Variants in DPP6 observed in about 807,000 individuals in gnomAD.
The protein encoded by DPP6 is A-type potassium channel modulatory protein DPP6.
DPP6 carries 69 observed loss-of-function variants against 122.6 expected under a neutral mutation model. The ratio of observed to expected loss-of-function variants is 0.56; its 90% CI spans 0.46 to 0.69. The LOEUF is 0.69. Ranked by LOEUF, DPP6 falls within the 30% of genes least tolerant of loss-of-function variation. The probability of loss-of-function intolerance (pLI) is 0.00; values close to 1 mark genes in which losing one functional copy is unlikely to be tolerated. For missense variants in DPP6, 928 were observed against 1,116.9 expected (o/e 0.83, Z 2.41); for synonymous variants, 418 against 433.1 (o/e 0.97, Z 0.43).
At chr7:154,529,311 G>T (rs974235605) in intron 3 of DPP6, among the ~76,000 whole-genome samples, 1 of 152,152 alleles carries the variant, frequency 6.6e-6, no homozygotes. Context: ...ATCAAGGCAG[G>T]TCAGCTAAAG....
chr7:154,871,205 A>G lies in DPP6; in HGVS notation c.1814-1419A>G, dbSNP rs978810183. On this transcript the variant is annotated intron_variant, in intron 18 of 25. Coordinates refer to ENST00000377770, the MANE Select transcript of DPP6 (RefSeq NM_130797.4). ...CCCAAGCCTGCAGCACTGGTGTGTG[A>G]CTGTCATCCCTTCCTCTTAGGAAAT... is the stretch of plus-strand genomic sequence containing the variant. Among the ~76,000 whole-genome samples, 45 of 151,872 alleles carry G rather than the reference A, an allele frequency of 3.0e-4. 1 individual carries two copies. Among genetic ancestry groups the G allele is most frequent in the Admixed American group, 2.8e-3 (42 of 15,264 alleles).
chr7:154,181,617 A>G (rs1409908265), intron 1 of DPP6, among the ~76,000 whole-genome samples: 1 of 152,190 alleles, frequency 6.6e-6, no homozygotes, highest in Non-Finnish European at 1.5e-5. Flanking sequence ...TATGTTTAAT[A>G]TGTAAGGCAG....
chr7:153,993,710 A>G (rs1434240201), intron 1 of DPP6, among the ~76,000 whole-genome samples: 2 of 152,208 alleles, frequency 1.3e-5, no homozygotes, highest in Non-Finnish European at 2.9e-5. Flanking sequence ...CAATGATCTT[A>G]TTCATTTCAT....
the DPP6 span, among the ~76,000 whole-genome samples, chr7:153,835,747 G>T: frequency 2.6e-5 from 4 of 152,150 alleles, no homozygotes; most frequent in Admixed American, 2.6e-4. Context: ...ATCATCCAAC[G>T]ATTGGTTTTG....
chr7:153,886,877 T>C (rs1271171797), upstream of DPP6, among the ~76,000 whole-genome samples: 1 of 151,992 alleles, frequency 6.6e-6, no homozygotes, highest in East Asian at 1.9e-4. Context: ...GCGCAGCCGA[T>C]CAATAGTTAA....
chr7:154,463,703 G>C (rs913017588), intron 2 of DPP6, among the ~76,000 whole-genome samples: 4 of 152,004 alleles, frequency 2.6e-5, no homozygotes, highest in African/African-American at 9.7e-5. Flanking sequence ...TGCCAGATTG[G>C]GTTTTTCCAT....
rs113956551 is a variant in DPP6 at position 154,690,008 on chromosome 7, A to G, written c.762+20567A>G. Among the ~76,000 whole-genome samples the G allele has an allele frequency of 9.7e-4, 148 of 152,246 alleles. No individual in the cohort carries two copies. The Middle Eastern group carries it at 0.01, about 10-fold the overall frequency. On this transcript the variant is annotated intron_variant, in intron 7 of 25. Transcript: ENST00000377770. ...ATCTTTCGCATGTCAAGTCCCTTTT[A>G]TTCTTTTCTCACTGGCCCACAATAA...
intron 20 of DPP6, among the ~76,000 whole-genome samples, chr7:154,878,765 C>G (rs972654313): frequency 2.0e-5 from 3 of 152,152 alleles, no homozygotes; most frequent in African/African-American, 7.2e-5. Context: ...GGGCTCCTGT[C>G]TCCTAGAGAC....
intron 5 of DPP6, among the ~76,000 whole-genome samples, chr7:154,632,318 G>A (rs1641636979): frequency 6.6e-6 from 1 of 152,186 alleles, no homozygotes; most frequent in African/African-American, 2.4e-5. Context: ...AGGAAGGATG[G>A]AGGAGAGGCC....
intron 16 of DPP6, among the ~76,000 whole-genome samples, chr7:154,809,253 T>C (rs547507065): frequency 6.8e-6 from 1 of 146,460 alleles, no homozygotes; most frequent in East Asian, 2.0e-4. Context: ...TTTCTTTTTT[T>C]AAAAAAAAAA....
At chr7:154,389,007 C>T (rs1007637645) in intron 1 of DPP6, among the ~76,000 whole-genome samples, 1 of 152,096 alleles carries the variant, frequency 6.6e-6, no homozygotes, top group African/African-American at 2.4e-5. Context: ...ATTTTTCTTT[C>T]GAGCAGTAGA....
At chr7:154,074,877 C>T (rs1330885623) in intron 1 of DPP6, among the ~76,000 whole-genome samples, 2 of 150,994 alleles carry the variant, frequency 1.3e-5, no homozygotes, top group Middle Eastern at 3.4e-3. Context: ...GTTGTCAAAG[C>T]GGGAGAAAAT....
At chr7:153,931,588 CATT>C (rs1801172548) in intron 1 of DPP6, among the ~76,000 whole-genome samples, 1 of 152,270 alleles carries the variant, frequency 6.6e-6, no homozygotes, top group Admixed American at 6.5e-5. Flanking sequence ...TATTTAAATT[CATT>C]ATTCTGTCAG....
At chr7:154,286,733 C>T (rs1236924697) in intron 1 of DPP6, among the ~76,000 whole-genome samples, 2 of 151,836 alleles carry the variant, frequency 1.3e-5, no homozygotes, top group African/African-American at 4.8e-5. Context: ...TCTCCCCTCA[C>T]TCTTCCTGGC....
intron 1 of DPP6, among the ~76,000 whole-genome samples, chr7:154,310,225 C>A (rs1806747173): frequency 6.6e-6 from 1 of 152,054 alleles, no homozygotes; most frequent in African/African-American, 2.4e-5. Flanking sequence ...AAGAGCTTAG[C>A]TGGTGTGGTG....
At chr7:154,390,638 G>C (rs1199680289) in intron 1 of DPP6, among the ~76,000 whole-genome samples, 1 of 152,170 alleles carries the variant, frequency 6.6e-6, no homozygotes, top group African/African-American at 2.4e-5. Flanking sequence ...ACGCCAGGCA[G>C]AGTGTGGAAC....
At chr7:154,826,232 A>C (rs1800133094) in intron 16 of DPP6, among the ~76,000 whole-genome samples, 1 of 152,206 alleles carries the variant, frequency 6.6e-6, no homozygotes, top group South Asian at 2.1e-4. Flanking sequence ...GTCTTAAGTA[A>C]CTGTTGAGAA....
At position 154,594,873 on chromosome 7, in the gene DPP6, G is replaced by A. The variant is rs149900823; in HGVS notation, c.627+27957G>A. ...TCAGGACTTCCCTGTCTCTAGAGAG[G>A]CAGCATGAACAGAGACACAATGCCG... On this transcript the variant is annotated intron_variant, in intron 5 of 25. Transcript: ENST00000377770. Among the ~76,000 whole-genome samples the A allele has an allele frequency of 6.1e-3, 934 of 152,280 alleles. 5 individuals are homozygous for A. Among genetic ancestry groups the A allele is most frequent in the Middle Eastern group, 0.01 (3 of 294 alleles).
At chr7:154,651,832 G>GC in intron 6 of DPP6, among the ~76,000 whole-genome samples, 1 of 152,210 alleles carries the variant, frequency 6.6e-6, no homozygotes, top group East Asian at 1.9e-4. Flanking sequence ...TGCGGTCTGT[G>GC]CCCCCACAGC....
Sources: allele counts gnomAD v4.1 joint callset (sites outside exome capture counted in the v4.1 genomes callset), GRCh38; gene constraint gnomAD v4.1.1; transcripts MANE v1.5; gene names NCBI Gene and HGNC (gene_info 2026-07-23, HGNC 2026-07-21).